EFCAB13: variants seen among roughly 807,000 people sequenced by gnomAD.
The protein encoded by EFCAB13 is EF-hand calcium binding domain 13.
Under a neutral mutation model 110.2 loss-of-function variants are expected in EFCAB13, and 91 were observed. The observed-to-expected ratio is 0.83, with a 90% CI of 0.70 to 0.98. The LOEUF is 0.98. EFCAB13 is among the 50% of genes least tolerant of loss of function. EFCAB13 has a pLI of 0.00. For missense variants in EFCAB13, 968 were observed against 1,119.4 expected (o/e 0.86, Z 1.93); for synonymous variants, 323 against 369.9 (o/e 0.87, Z 1.45).
intron 4 of EFCAB13, among the ~76,000 whole-genome samples, chr17:47,328,621 G>T (rs933232681): frequency 1.3e-5 from 2 of 152,138 alleles, no homozygotes; most frequent in Admixed American, 1.3e-4. Flanking sequence ...TTTTGGTGGG[G>T]TACGGACCTG....
chr17:47,402,329 C>T (rs750506869), intron 18 of EFCAB13, 126 bp downstream of exon 18: 25 of 863,578 alleles, frequency 2.9e-5, no homozygotes, highest in South Asian at 6.6e-5. Flanking sequence ...TATGTTTATA[C>T]GCAGATGAAA....
intron 9 of EFCAB13, among the ~76,000 whole-genome samples, chr17:47,354,288 C>T (rs1279273102): frequency 6.6e-6 from 1 of 152,044 alleles, no homozygotes; most frequent in Non-Finnish European, 1.5e-5. Context: ...GTTTTGTGGC[C>T]TACCATATGG....
At chr17:47,359,521 T>TG (rs946279587) in intron 9 of EFCAB13, among the ~76,000 whole-genome samples, 8 of 151,350 alleles carry the variant, frequency 5.3e-5, no homozygotes, top group Admixed American at 2.0e-4. Context: ...AATTGTGTTT[T>TG]TTTTTTTTTT....
At chr17:47,387,482 T>C (rs940675173) in intron 14 of EFCAB13, among the ~76,000 whole-genome samples, 2 of 152,202 alleles carry the variant, frequency 1.3e-5, no homozygotes, top group African/African-American at 4.8e-5. Flanking sequence ...TATATTTGGG[T>C]CCTCTGTTGT....
chr17:47,393,979 A>G (rs1378604358), intron 15 of EFCAB13, 46 bp from the exon 16 acceptor site: 1 of 1,086,238 alleles, frequency 9.2e-7, no homozygotes, highest in Non-Finnish European at 1.3e-6. Flanking sequence ...ATTTTTCATA[A>G]TAATACTTAA....
At chr17:47,409,530 T>C in intron 20 of EFCAB13, 117 bp from the exon 21 acceptor site, 1 of 778,576 alleles carries the variant, frequency 1.3e-6, no homozygotes, top group Non-Finnish European at 2.2e-6. Context: ...GGAATGGTTA[T>C]CAATGATAAA....
chr17:47,406,337 C>T (rs374721873), intron 20 of EFCAB13, among the ~76,000 whole-genome samples: 3 of 152,136 alleles, frequency 2.0e-5, no homozygotes, highest in Non-Finnish European at 4.4e-5. Flanking sequence ...GTCTCGAACT[C>T]CTGCCTTGTG....
At chr17:47,326,616 C>T (rs2065287667) in intron 3 of EFCAB13, among the ~76,000 whole-genome samples, 1 of 152,156 alleles carries the variant, frequency 6.6e-6, no homozygotes, top group African/African-American at 2.4e-5. Flanking sequence ...AATACAAATA[C>T]AAGGCAAATG....
intron 20 of EFCAB13, among the ~76,000 whole-genome samples, chr17:47,405,806 G>A (rs2065802170): frequency 6.6e-6 from 1 of 151,450 alleles, no homozygotes; most frequent in Non-Finnish European, 1.5e-5. Context: ...TCTATTTATA[G>A]TTTAAAAATT....
intron 10 of EFCAB13, among the ~76,000 whole-genome samples, chr17:47,363,999 A>G (rs1331738387): frequency 6.6e-6 from 1 of 152,242 alleles, no homozygotes; most frequent in Non-Finnish European, 1.5e-5. Context: ...GAAATCATAT[A>G]TGAAACAGCT....
chr17:47,417,995 C>A (rs1904510371), intron 23 of EFCAB13, among the ~76,000 whole-genome samples: 1 of 152,168 alleles, frequency 6.6e-6, no homozygotes, highest in South Asian at 2.1e-4. Context: ...GTGTTGAATT[C>A]ATAGAGTTTG....
At chr17:47,395,340 A>G (rs918766933) in intron 16 of EFCAB13, among the ~76,000 whole-genome samples, 3 of 152,188 alleles carry the variant, frequency 2.0e-5, no homozygotes, top group Non-Finnish European at 2.9e-5. Context: ...TTCTCTATAT[A>G]GCAGCACAGT....
intron 14 of EFCAB13, among the ~76,000 whole-genome samples, chr17:47,387,963 G>A (rs1163185793): frequency 6.6e-6 from 1 of 152,200 alleles, no homozygotes; most frequent in Non-Finnish European, 1.5e-5. Context: ...GGTCTCAAAA[G>A]CGATACTCTA....
intron 14 of EFCAB13, among the ~76,000 whole-genome samples, chr17:47,390,998 G>A (rs2065704391): frequency 6.6e-6 from 1 of 151,954 alleles, no homozygotes; most frequent in African/African-American, 2.4e-5. Context: ...GAAGCACAGT[G>A]GTACTATCAT....
intron 24 of EFCAB13, among the ~76,000 whole-genome samples, chr17:47,432,983 C>T (rs1339891071): frequency 6.6e-6 from 1 of 152,180 alleles, no homozygotes; most frequent in Non-Finnish European, 1.5e-5. Context: ...CAGTACCATT[C>T]ATTAAACTAC....
At chr17:47,427,450 G>A (rs572784428) in intron 23 of EFCAB13, among the ~76,000 whole-genome samples, 2 of 152,080 alleles carry the variant, frequency 1.3e-5, no homozygotes, top group African/African-American at 4.8e-5. Context: ...TCATTCAAAT[G>A]GCATAGTTGG....
At chr17:47,427,883 C>T (rs560505949) in intron 23 of EFCAB13, among the ~76,000 whole-genome samples, 32 of 151,866 alleles carry the variant, frequency 2.1e-4, no homozygotes, top group Admixed American at 3.9e-4. Context: ...AATTTTTGTA[C>T]GGTACTTGCA....
At chr17:47,370,618 ATAATT>A (rs2065576535) in intron 11 of EFCAB13, 110 bp downstream of exon 11, 1 of 664,484 alleles carries the variant, frequency 1.5e-6, no homozygotes, top group African/African-American at 1.9e-5. Context: ...CCTTCTCTGA[ATAATT>A]TACCCTCTTA....
At chr17:47,331,069 CTTTT>C (rs1043721263) in intron 4 of EFCAB13, among the ~76,000 whole-genome samples, 1 of 151,974 alleles carries the variant, frequency 6.6e-6, no homozygotes, top group Non-Finnish European at 1.5e-5. Flanking sequence ...TGTATATCTT[CTTTT>C]GAGAAATATC....
Sources: gnomAD v4.1 joint callset for allele counts (sites outside exome capture counted in the v4.1 genomes callset) on GRCh38, gnomAD v4.1.1 for gene constraint, MANE v1.5 for transcripts, NCBI Gene and HGNC (gene_info 2026-07-23, HGNC 2026-07-21) for gene names.